TRPM3: variants seen among roughly 807,000 people sequenced by gnomAD.
TRPM3 encodes transient receptor potential cation channel subfamily M member 3.
A neutral mutation model predicts 181.2 loss-of-function variants in TRPM3; 77 were observed. That is an observed-to-expected ratio of 0.42 (90% CI 0.35 to 0.51). TRPM3 has a LOEUF of 0.51. Among genes scored for constraint, TRPM3 ranks in the 20% least tolerant of loss-of-function variants. The pLI is 0.01. For synonymous variants in TRPM3, 745 were observed against 796.4 expected, an observed-to-expected ratio of 0.94 and a Z score of 1.09; for missense variants, 1,759 against 2,196.7, an observed-to-expected ratio of 0.80 and a Z score of 3.98.
At chr9:71,029,548 A>T (rs1183160139) in intron 1 of TRPM3, among the ~76,000 whole-genome samples, 1 of 152,184 alleles carries the variant, frequency 6.6e-6, no homozygotes, top group Non-Finnish European at 1.5e-5. Context: ...TTCCAAATTT[A>T]AATGTTACAT....
chr9:71,157,349 A>T (rs1245824264), intron 1 of TRPM3, among the ~76,000 whole-genome samples: 1 of 152,174 alleles, frequency 6.6e-6, no homozygotes, highest in African/African-American at 2.4e-5. Flanking sequence ...CTATTACAAC[A>T]CATTTAAAAG....
intron 18 of TRPM3, among the ~76,000 whole-genome samples, chr9:70,611,672 T>G (rs2062021531): frequency 6.6e-6 from 1 of 152,242 alleles, no homozygotes; most frequent in Admixed American, 6.5e-5. Context: ...GCATGTGCCT[T>G]GGTTCCCTAA....
intron 7 of TRPM3, among the ~76,000 whole-genome samples, chr9:70,762,976 C>T (rs767204055): frequency 1.3e-5 from 2 of 152,092 alleles, no homozygotes; most frequent in African/African-American, 2.4e-5. Flanking sequence ...AACTTTATTG[C>T]TTAAAAGAAG....
intron 1 of TRPM3, among the ~76,000 whole-genome samples, chr9:71,372,710 C>T (rs1182288648): frequency 6.6e-6 from 1 of 152,118 alleles, no homozygotes; most frequent in Non-Finnish European, 1.5e-5. Context: ...TCATTTCACA[C>T]ATAACAATAC....
intron 22 of TRPM3, among the ~76,000 whole-genome samples, chr9:70,588,474 A>C (rs1281919014): frequency 6.6e-6 from 1 of 152,136 alleles, no homozygotes; most frequent in African/African-American, 2.4e-5. Context: ...TAAAAAAAAA[A>C]AAAGAGTTAG....
At chr9:71,373,853 T>A (rs2092596391) in intron 1 of TRPM3, among the ~76,000 whole-genome samples, 1 of 152,152 alleles carries the variant, frequency 6.6e-6, no homozygotes, top group Admixed American at 6.5e-5. Flanking sequence ...ATATCCTTGA[T>A]GAACATTGAT....
intron 1 of TRPM3, among the ~76,000 whole-genome samples, chr9:71,168,117 A>G (rs927331828): frequency 3.3e-5 from 5 of 152,176 alleles, no homozygotes; most frequent in African/African-American, 7.2e-5. Context: ...TCATCATATC[A>G]TGACATCTTT....
At chr9:71,016,882 A>G (rs1169630420) in intron 1 of TRPM3, among the ~76,000 whole-genome samples, 1 of 152,140 alleles carries the variant, frequency 6.6e-6, no homozygotes, top group Non-Finnish European at 1.5e-5. Context: ...GTTCCAATTT[A>G]TCTACATATT....
At chr9:70,889,505 A>G (rs1456944356) in intron 1 of TRPM3, among the ~76,000 whole-genome samples, 1 of 152,096 alleles carries the variant, frequency 6.6e-6, no homozygotes, top group Non-Finnish European at 1.5e-5. Context: ...GACCATCTGT[A>G]CCCCACCCAA....
intron 1 of TRPM3, among the ~76,000 whole-genome samples, chr9:71,009,421 A>C (rs2097713234): frequency 1.3e-5 from 2 of 152,202 alleles, no homozygotes; most frequent in African/African-American, 2.4e-5. Flanking sequence ...CAACATAAAA[A>C]TCATTAAAAT....
chr9:70,889,939 C>T (rs951513481), intron 1 of TRPM3, among the ~76,000 whole-genome samples: 5 of 147,478 alleles, frequency 3.4e-5, no homozygotes, highest in Non-Finnish European at 6.0e-5. Context: ...AGTATATATG[C>T]TATATACTAT....
At chr9:70,931,978 C>T (rs2096779529) in intron 1 of TRPM3, among the ~76,000 whole-genome samples, 1 of 152,096 alleles carries the variant, frequency 6.6e-6, no homozygotes, top group Non-Finnish European at 1.5e-5. Flanking sequence ...CACGAGTGTA[C>T]TAACATTCTT....
At chr9:70,872,603 C>T (rs537094828) in intron 1 of TRPM3, among the ~76,000 whole-genome samples, 1 of 152,016 alleles carries the variant, frequency 6.6e-6, no homozygotes, top group African/African-American at 2.4e-5. Flanking sequence ...ACATTACCTG[C>T]CATTGTGCTG....
At chr9:70,664,181 G>T (rs1357834851) in intron 9 of TRPM3, among the ~76,000 whole-genome samples, 1 of 152,152 alleles carries the variant, frequency 6.6e-6, no homozygotes, top group Non-Finnish European at 1.5e-5. Context: ...CAGGTTATTA[G>T]TTTGATTTCT....
intron 8 of TRPM3, among the ~76,000 whole-genome samples, chr9:70,695,441 C>A (rs10118419): frequency 0.36 from 55,061 of 152,036 alleles, 10,235 homozygotes; most frequent in East Asian, 0.46. Context: ...GTTTCCTGGT[C>A]ATGCTCTCTC....
At chr9:71,161,312 C>T (rs1409147363) in intron 1 of TRPM3, among the ~76,000 whole-genome samples, 3 of 152,146 alleles carry the variant, frequency 2.0e-5, no homozygotes, top group Non-Finnish European at 2.9e-5. Context: ...AACCTGACTC[C>T]AGAGCTCATC....
chr9:70,896,026 T>TA (rs1409875733), intron 1 of TRPM3, among the ~76,000 whole-genome samples: 9 of 152,036 alleles, frequency 5.9e-5, no homozygotes, highest in Non-Finnish European at 1.2e-4. Context: ...CTAAAAGGTC[T>TA]AAAAAGAAAC....
chr9:70,536,053 C>T lies in TRPM3; in HGVS notation c.5060G>A (p.Arg1687Lys), dbSNP rs964984909. 4.3e-6 allele frequency: 7 copies of T among 1,613,828 alleles called. No individual in the cohort carries two copies. In the African/African-American group the frequency reaches 5.3e-5, roughly 12 times the overall value. ...NTASLRNPFQRSKSSKPEGRG... is the reference protein window; with the variant it reads ...NTASLRNPFQKSKSSKPEGRG... Reference sequence around the variant, plus strand: ...GCCCTCCGGCTTGGAGGACTTGCTTCTCTGGAAGGGATTTCGCAGGCTTGC... The same window carrying T: ...GCCCTCCGGCTTGGAGGACTTGCTTTTCTGGAAGGGATTTCGCAGGCTTGC... The change falls in exon 26 of 26, where the codon AGA becomes AAA. Residue 1687 changes from arginine (R) to lysine (K), a missense_variant. Transcript: ENST00000677713.
At position 71,152,658 on chromosome 9, in the gene TRPM3, T is replaced by C. The variant is rs148068727; in HGVS notation, c.184-288147A>G. Among the ~76,000 whole-genome samples the C allele has an allele frequency of 1.2e-3, 182 of 152,274 alleles. 1 individual carries two copies. The highest frequency in any genetic ancestry group is 2.4e-3 in the Non-Finnish European group (160 of 68,006). On this transcript the variant is annotated intron_variant, in intron 1 of 24. Coordinates refer to the TRPM3 transcript ENST00000357533. ...TTCCTAGCCTTACTGCTGCCTAAGA[T>C]AAGGACATCAGTTTGAGGCCAAGGT...
Sources: gnomAD v4.1 joint callset for allele counts (sites outside exome capture counted in the v4.1 genomes callset) on GRCh38, gnomAD v4.1.1 for gene constraint, MANE v1.5 for transcripts, NCBI Gene and HGNC (gene_info 2026-07-23, HGNC 2026-07-21) for gene names.